The following CHL1 variants were observed in gnomAD, a reference collection of about 807,000 sequenced individuals.
The protein encoded by CHL1 is cell adhesion molecule L1 like.
In CHL1, 96 loss-of-function variants were observed where a neutral mutation model predicts 141.9. That is an observed-to-expected ratio of 0.68 (90% confidence interval 0.57 to 0.80). CHL1 has a LOEUF of 0.80. Among genes scored for constraint, CHL1 ranks in the 30% least tolerant of loss-of-function variants. The pLI is 0.00. For missense variants in CHL1, 1,820 were observed against 1,457.2 expected (o/e 1.25, Z -4.05); for synonymous variants, 613 against 502.2 (o/e 1.22, Z -2.95).
intron 2 of CHL1, among the ~76,000 whole-genome samples, chr3:285,436 C>T (rs557655285): frequency 3.0e-4 from 46 of 152,262 alleles, no homozygotes; most frequent in Middle Eastern, 3.4e-3. Context: ...AAATTCAGTA[C>T]AGTCAGTGGG....
intron 1 of CHL1, among the ~76,000 whole-genome samples, chr3:223,992 T>G (rs1269946177): frequency 6.6e-6 from 1 of 152,150 alleles, no homozygotes; most frequent in Non-Finnish European, 1.5e-5. Context: ...CCTCAAAGAC[T>G]AATCTTAGGT....
At chr3:374,951 C>T (rs1706128535) in intron 15 of CHL1, among the ~76,000 whole-genome samples, 1 of 152,168 alleles carries the variant, frequency 6.6e-6, no homozygotes, top group African/African-American at 2.4e-5. Flanking sequence ...AGTGAAAATT[C>T]CTTCTTCTCT....
intron 11 of CHL1, among the ~76,000 whole-genome samples, chr3:359,489 G>C (rs1203532827): frequency 6.6e-6 from 1 of 152,000 alleles, no homozygotes; most frequent in Non-Finnish European, 1.5e-5. Flanking sequence ...TTTTAGTGGA[G>C]ACAGGGTTTT....
At chr3:294,634 A>G (rs932856019) in intron 2 of CHL1, among the ~76,000 whole-genome samples, 2 of 142,412 alleles carry the variant, frequency 1.4e-5, no homozygotes, top group Non-Finnish European at 1.6e-5. Context: ...ACCCTTCTAA[A>G]ATATTCCTTT....
At chr3:268,132 A>G (rs1012473965) in intron 2 of CHL1, among the ~76,000 whole-genome samples, 2 of 152,252 alleles carry the variant, frequency 1.3e-5, no homozygotes, top group African/African-American at 4.8e-5. Context: ...TAAAAATGAA[A>G]GTAGATTTCT....
chr3:300,209 A>G (rs142202192), intron 2 of CHL1, among the ~76,000 whole-genome samples: 149 of 152,360 alleles, frequency 9.8e-4, no homozygotes, highest in African/African-American at 3.1e-3. Flanking sequence ...GACCCAAGAT[A>G]TCAGTTTGAA....
At chr3:320,689 CT>C (rs902528765) in intron 3 of CHL1, among the ~76,000 whole-genome samples, 1 of 151,706 alleles carries the variant, frequency 6.6e-6, no homozygotes, top group Non-Finnish European at 1.5e-5. Flanking sequence ...TATAGTGAGA[CT>C]TTGTTTTTTT....
chr3:241,812 C>T (rs1272302506), intron 1 of CHL1, among the ~76,000 whole-genome samples: 1 of 151,442 alleles, frequency 6.6e-6, no homozygotes, highest in African/African-American at 2.4e-5. Flanking sequence ...ATTTGTATCT[C>T]TTAAGTAAAA....
In CHL1 at chr3:363,299, A is replaced by G. The variant is rs147811720; in HGVS notation, c.1501A>G (p.Thr501Ala). ...TGGCACATTGCAGATCAACAGAACCACCGAAGAAGATGCTGGGTCTTACTC... is the reference window on the plus strand; with the variant it reads ...TGGCACATTGCAGATCAACAGAACCGCCGAAGAAGATGCTGGGTCTTACTC... ...ENGTLQINRT[T>A]EEDAGSYSCW... The change falls in exon 14 of 28, where the codon ACC (threonine) becomes GCC (alanine). Residue 501 changes from threonine to alanine, a missense_variant. Coordinates refer to ENST00000256509, the MANE Select transcript of CHL1 (RefSeq NM_006614.4). 650 of 1,613,712 alleles carry G rather than the reference A, an allele frequency of 4.0e-4. 4 individuals carry two copies. The African/African-American group carries it at 7.6e-3, about 19-fold the overall frequency.
At chr3:221,088 C>T (rs1297332008) in intron 1 of CHL1, among the ~76,000 whole-genome samples, 1 of 152,098 alleles carries the variant, frequency 6.6e-6, no homozygotes, top group Admixed American at 6.6e-5. Context: ...ACCTGAAATC[C>T]CACACTCACC....
chr3:303,577 G>A (rs574757609), intron 2 of CHL1, among the ~76,000 whole-genome samples: 2 of 152,334 alleles, frequency 1.3e-5, no homozygotes, highest in Non-Finnish European at 2.9e-5. Flanking sequence ...TTTGCACGTT[G>A]ATTTTGTATC....
intron 1 of CHL1, among the ~76,000 whole-genome samples, chr3:241,590 T>G (rs569257990): frequency 3.7e-4 from 56 of 152,064 alleles, no homozygotes; most frequent in Non-Finnish European, 7.1e-4. Flanking sequence ...TCTGGTTTTT[T>G]TTTTTACTTT....
chr3:210,292 G>T lies in CHL1; in HGVS notation c.-175+13229G>T, dbSNP rs116196849. Reference sequence around the variant, plus strand: ...CTTTAAACAGTAACTTCAAACAACAGACATTTTATGAAATCTCATGAATTG... The same window carrying T: ...CTTTAAACAGTAACTTCAAACAACATACATTTTATGAAATCTCATGAATTG... On this transcript the variant is annotated intron_variant, in intron 1 of 27. Coordinates refer to ENST00000256509, the MANE Select transcript of CHL1 (RefSeq NM_006614.4). Among the ~76,000 whole-genome samples, 1,456 of 152,348 alleles carry T rather than the reference G, an allele frequency of 9.6e-3. 27 individuals carry two copies. Among genetic ancestry groups the T allele is most frequent in the Middle Eastern group, 0.037 (11 of 294 alleles).
At chr3:235,686 C>T (rs1031280890) in intron 1 of CHL1, among the ~76,000 whole-genome samples, 6 of 152,034 alleles carry the variant, frequency 3.9e-5, no homozygotes, top group African/African-American at 1.4e-4. Flanking sequence ...CCAGGGGAGG[C>T]CATCTCTATT....
intron 3 of CHL1, among the ~76,000 whole-genome samples, chr3:325,686 A>T (rs1390694629): frequency 1.3e-5 from 2 of 152,064 alleles, no homozygotes; most frequent in Non-Finnish European, 2.9e-5. Flanking sequence ...AATTGTGATG[A>T]CATAGCAACT....
chr3:366,777 T>C (rs529930818), intron 15 of CHL1, among the ~76,000 whole-genome samples: 1 of 151,436 alleles, frequency 6.6e-6, no homozygotes, highest in South Asian at 2.1e-4. Flanking sequence ...GCAGCTGCAA[T>C]CCAGGTGTCT....
At chr3:394,909 T>C in intron 24 of CHL1, 37 bp downstream of exon 24, 1 of 1,508,944 alleles carries the variant, frequency 6.6e-7, no homozygotes, top group Non-Finnish European at 8.9e-7. Flanking sequence ...ATAGAGGCTT[T>C]AAAAAGAGAC....
intron 2 of CHL1, among the ~76,000 whole-genome samples, chr3:260,228 C>T (rs972787876): frequency 2.6e-5 from 4 of 151,714 alleles, no homozygotes; most frequent in Admixed American, 2.6e-4. Flanking sequence ...GGTGCCACTG[C>T]ACTCCAGACT....
intron 1 of CHL1, among the ~76,000 whole-genome samples, chr3:222,322 G>A (rs762701874): frequency 1.3e-5 from 2 of 152,098 alleles, no homozygotes; most frequent in African/African-American, 2.4e-5. Flanking sequence ...TCACGGTCCT[G>A]TTGGAGCTCA....
Sources: gnomAD v4.1 joint callset for allele counts (sites outside exome capture counted in the v4.1 genomes callset) on GRCh38, gnomAD v4.1.1 for gene constraint, MANE v1.5 for transcripts, NCBI Gene and HGNC (gene_info 2026-07-23, HGNC 2026-07-21) for gene names.